Variants in MAPK10 observed in about 807,000 individuals in gnomAD.
The protein encoded by MAPK10 is mitogen-activated protein kinase 10.
In MAPK10, 25 loss-of-function variants were observed where a neutral mutation model predicts 59.3. That is an observed-to-expected ratio of 0.42 (90% confidence interval 0.31 to 0.59). The LOEUF (loss-of-function observed/expected upper bound fraction) is 0.59. Among genes scored for constraint, MAPK10 ranks in the 20% least tolerant of loss-of-function variants. The probability of loss-of-function intolerance (pLI) is 0.15; values close to 1 mark genes in which losing one functional copy is unlikely to be tolerated. For synonymous variants in MAPK10, 190 were observed against 200.5 expected, an observed-to-expected ratio of 0.95 and a Z score of 0.44; for missense variants, 351 against 568.9, an observed-to-expected ratio of 0.62 and a Z score of 3.90.
intron 13 of MAPK10, among the ~76,000 whole-genome samples, chr4:86,022,239 C>A (rs1293176564): frequency 6.6e-6 from 1 of 152,190 alleles, no homozygotes; most frequent in Non-Finnish European, 1.5e-5. Flanking sequence ...ATTCCAATTT[C>A]TCTACATCCT....
At chr4:86,349,441 T>G (rs1195952171) in intron 2 of MAPK10, among the ~76,000 whole-genome samples, 1 of 152,236 alleles carries the variant, frequency 6.6e-6, no homozygotes, top group Non-Finnish European at 1.5e-5. Flanking sequence ...GCCTATCAAG[T>G]GTCAGGCGCT....
intron 3 of MAPK10, among the ~76,000 whole-genome samples, chr4:86,174,265 T>C (rs1394103762): frequency 1.3e-5 from 2 of 152,164 alleles, no homozygotes; most frequent in African/African-American, 4.8e-5. Flanking sequence ...GTGGCACATA[T>C]ACACCGTGGA....
intron 1 of MAPK10, among the ~76,000 whole-genome samples, chr4:86,488,919 G>A (rs1050553565): frequency 1.3e-5 from 2 of 152,160 alleles, no homozygotes; most frequent in South Asian, 2.1e-4. Flanking sequence ...CCACAGGACC[G>A]GCCAAATGTG....
intron 2 of MAPK10, among the ~76,000 whole-genome samples, chr4:86,334,911 G>C (rs1159876456): frequency 6.6e-6 from 1 of 152,062 alleles, no homozygotes; most frequent in Non-Finnish European, 1.5e-5. Flanking sequence ...ATCTCTTGAG[G>C]ACAAGACCTT....
chr4:86,077,194 A>G (rs1357941366), intron 9 of MAPK10, among the ~76,000 whole-genome samples: 2 of 152,160 alleles, frequency 1.3e-5, no homozygotes, highest in East Asian at 3.8e-4. Flanking sequence ...AATAAATAGT[A>G]TTATAATAGA....
rs1432490018 is a variant in MAPK10, at chr4:86,136,821, A to T, written c.236+22477T>A. 9.0e-3 allele frequency among the ~76,000 whole-genome samples: 1,365 copies of T among 151,590 alleles called. 25 individuals are homozygous for T. Among genetic ancestry groups the T allele is most frequent in the African/African-American group, 0.031 (1,265 of 40,908 alleles). ...CGTGCAGAGACACACATAGGCTCAA[A>T]ATAAAAGGATGGAGGAAGATCTACC... is the stretch of plus-strand genomic sequence containing the variant. On this transcript the variant is annotated intron_variant, in intron 4 of 13. Coordinates refer to ENST00000641462, the MANE Select transcript of MAPK10 (RefSeq NM_138982.4).
At chr4:86,508,959 C>T (rs1756000813) in intron 1 of MAPK10, among the ~76,000 whole-genome samples, 1 of 152,114 alleles carries the variant, frequency 6.6e-6, no homozygotes, top group Admixed American at 6.5e-5. Flanking sequence ...TTTGAAGTCC[C>T]CAACCTTGTT....
intron 4 of MAPK10, among the ~76,000 whole-genome samples, chr4:86,143,405 A>T (rs997197550): frequency 6.6e-6 from 1 of 152,104 alleles, no homozygotes; most frequent in African/African-American, 2.4e-5. Context: ...ATGTGACCCT[A>T]GTGGCTTTGG....
intron 1 of MAPK10, among the ~76,000 whole-genome samples, chr4:86,544,480 TTC>T (rs1177020529): frequency 6.6e-6 from 1 of 152,204 alleles, no homozygotes; most frequent in Admixed American, 6.5e-5. Flanking sequence ...AAATAGTCAT[TTC>T]TCTCTCTTTC....
chr4:86,211,006 T>G (rs2149353147), intron 2 of MAPK10, among the ~76,000 whole-genome samples: 1 of 151,786 alleles, frequency 6.6e-6, no homozygotes, highest in South Asian at 2.1e-4. Flanking sequence ...ATCAATGAAC[T>G]TGAAGACAGA....
chr4:86,508,792 T>C (rs1216656242), intron 1 of MAPK10, among the ~76,000 whole-genome samples: 1 of 152,214 alleles, frequency 6.6e-6, no homozygotes, highest in Admixed American at 6.5e-5. Context: ...GTAAACTTCC[T>C]GACAGGATTT....
At chr4:86,517,159 A>T (rs1183323919) in intron 1 of MAPK10, among the ~76,000 whole-genome samples, 1 of 151,794 alleles carries the variant, frequency 6.6e-6, no homozygotes, top group Non-Finnish European at 1.5e-5. Context: ...TTCTGCATCT[A>T]TTAAGATAAT....
intron 1 of MAPK10, among the ~76,000 whole-genome samples, chr4:86,579,606 A>T (rs1762127944): frequency 6.6e-6 from 1 of 152,036 alleles, no homozygotes; most frequent in Non-Finnish European, 1.5e-5. Context: ...TTCACATAAA[A>T]TGTTTTGGGA....
intron 11 of MAPK10, among the ~76,000 whole-genome samples, chr4:86,033,957 C>T (rs934808262): frequency 6.6e-6 from 1 of 152,102 alleles, no homozygotes; most frequent in Non-Finnish European, 1.5e-5. Context: ...TCCCTGCCTC[C>T]TTCCGCTAAG....
intron 2 of MAPK10, among the ~76,000 whole-genome samples, chr4:86,205,330 T>C (rs1268980051): frequency 1.3e-5 from 2 of 152,056 alleles, no homozygotes; most frequent in Non-Finnish European, 1.5e-5. Context: ...TACCTCAAAA[T>C]GTGTAAAGCA....
At chr4:86,019,723 T>C (rs1266826745) in intron 13 of MAPK10, among the ~76,000 whole-genome samples, 1 of 152,196 alleles carries the variant, frequency 6.6e-6, no homozygotes, top group Non-Finnish European at 1.5e-5. Context: ...TCCACACTCT[T>C]ATTAAAAGAC....
chr4:86,517,714 C>G (rs1469201603), intron 1 of MAPK10, among the ~76,000 whole-genome samples: 1 of 152,110 alleles, frequency 6.6e-6, no homozygotes, highest in Non-Finnish European at 1.5e-5. Flanking sequence ...TAGGGTAATA[C>G]TGGGTTCATA....
intron 11 of MAPK10, among the ~76,000 whole-genome samples, chr4:86,052,047 T>C (rs1171093641): frequency 6.6e-6 from 1 of 152,192 alleles, no homozygotes; most frequent in African/African-American, 2.4e-5. Context: ...AATACCATTT[T>C]AAAATTGTCA....
chr4:86,198,998 C>T (rs2082027467), intron 2 of MAPK10, among the ~76,000 whole-genome samples: 1 of 151,902 alleles, frequency 6.6e-6, no homozygotes, highest in South Asian at 2.1e-4. Flanking sequence ...TATTTTATAT[C>T]CTTCAAATTG....
Sources: allele counts gnomAD v4.1 joint callset (sites outside exome capture counted in the v4.1 genomes callset), GRCh38; gene constraint gnomAD v4.1.1; transcripts MANE v1.5; gene names NCBI Gene and HGNC (gene_info 2026-07-23, HGNC 2026-07-21).